Variants in PDGFC observed in about 807,000 individuals in gnomAD.
PDGFC encodes the protein platelet derived growth factor C.
PDGFC carries 12 observed loss-of-function variants against 35.5 expected under a neutral mutation model. The observed-to-expected ratio is 0.34, with a 90% CI of 0.22 to 0.55. PDGFC has a LOEUF of 0.55. Ranked by LOEUF, PDGFC falls within the 20% of genes least tolerant of loss-of-function variation. The probability of loss-of-function intolerance (pLI) is 0.91; values close to 1 mark genes in which losing one functional copy is unlikely to be tolerated. For synonymous variants in PDGFC, 159 were observed against 148.8 expected, an observed-to-expected ratio of 1.07 and a Z score of -0.50; for missense variants, 322 against 412.4, an observed-to-expected ratio of 0.78 and a Z score of 1.90.
intron 2 of PDGFC, among the ~76,000 whole-genome samples, chr4:156,823,934 A>G (rs959385323): frequency 2.0e-5 from 3 of 152,160 alleles, no homozygotes; most frequent in Non-Finnish European, 4.4e-5. Flanking sequence ...TCATGACAAC[A>G]TGAACGGAAC....
At chr4:156,860,693 G>C (rs1579061226) in intron 1 of PDGFC, among the ~76,000 whole-genome samples, 1 of 152,100 alleles carries the variant, frequency 6.6e-6, no homozygotes, top group Middle Eastern at 3.4e-3. Context: ...GCTTTTTAAA[G>C]AAAGATATGC....
In PDGFC at chr4:156,970,963, G is replaced by A; in HGVS notation, c.-60C>T. 2.8e-6 allele frequency: 3 copies of A among 1,087,906 alleles called. No homozygotes were observed. Among genetic ancestry groups the A allele is most frequent in the Non-Finnish European group, 4.2e-6 (3 of 711,330 alleles). 67.4% of individuals were successfully genotyped at this position (1,087,906 alleles called of 1,614,324 possible). On this transcript the variant is annotated 5_prime_UTR_variant, in exon 1 of 6. Coordinates refer to ENST00000502773, the MANE Select transcript of PDGFC (RefSeq NM_016205.3). Reference sequence around the variant, plus strand: ...GCACTTTGGAAGCAGCGACTCCCGAGTCTCTTTCACCACCGCCAGGGGAAG... The same window carrying A: ...GCACTTTGGAAGCAGCGACTCCCGAATCTCTTTCACCACCGCCAGGGGAAG...
chr4:156,913,046 T>C lies in PDGFC; in HGVS notation c.118+57740A>G, dbSNP rs549017490. The stretch of plus-strand genomic sequence containing the variant: ...CTAACAGGAAAACCCAGATGTAATG[T>C]TTAGATTCAAAATGTTTGGCTCTTA... On this transcript the variant is annotated intron_variant, in intron 1 of 5. Coordinates refer to ENST00000502773, the MANE Select transcript of PDGFC (RefSeq NM_016205.3). Among the ~76,000 whole-genome samples, 18 of 152,276 alleles carry C rather than the reference T, an allele frequency of 1.2e-4. No homozygotes were observed. The South Asian group carries it at 3.5e-3, about 30-fold the overall frequency.
chr4:156,818,778 A>G (rs950108934), intron 2 of PDGFC, among the ~76,000 whole-genome samples: 1 of 152,120 alleles, frequency 6.6e-6, no homozygotes, highest in African/African-American at 2.4e-5. Context: ...CTGGGATTAC[A>G]GGCTTGAGCC....
intron 1 of PDGFC, among the ~76,000 whole-genome samples, chr4:156,933,457 C>G (rs781072856): frequency 1.3e-5 from 2 of 152,232 alleles, no homozygotes; most frequent in African/African-American, 2.4e-5. Flanking sequence ...AAGATATGCT[C>G]TGCCTTCTTG....
Position 156,909,429 on chromosome 4 carries a change from G to A in PDGFC, c.119-59013C>T, listed in dbSNP as rs112866226. On this transcript the variant is annotated intron_variant, in intron 1 of 5. Coordinates refer to ENST00000502773, the MANE Select transcript of PDGFC (RefSeq NM_016205.3). ...TATGGCCAGAAAATAAACTTCAGAG[G>A]AGAAAGTAACCAAACAAGTGAGCCA... 8.0e-3 allele frequency among the ~76,000 whole-genome samples: 1,216 copies of A among 152,278 alleles called. 15 individuals carry two copies. Among genetic ancestry groups the A allele is most frequent in the African/African-American group, 0.028 (1,143 of 41,552 alleles).
chr4:156,874,275 A>C (rs553356200), intron 1 of PDGFC, among the ~76,000 whole-genome samples: 1 of 152,302 alleles, frequency 6.6e-6, no homozygotes, highest in African/African-American at 2.4e-5. Context: ...GGAAAAAATT[A>C]ATAGACACCA....
rs544762501 is a variant in PDGFC at position 156,835,782 on chromosome 4, C to T, written c.314+14439G>A. On this transcript the variant is annotated intron_variant, in intron 2 of 5. Coordinates refer to ENST00000502773, the MANE Select transcript of PDGFC (RefSeq NM_016205.3). ...TTTTTACCAGTCAGTTTAACTCCCT[C>T]ATGTAAATATGCTGCCAATTTGTCC... The T allele has an allele frequency of 5.3e-5, 8 of 152,318 alleles. No homozygotes were observed. In the South Asian group the frequency reaches 1.7e-3, roughly 32 times the overall value. 9.4% of individuals were successfully genotyped at this position (152,318 alleles called of 1,614,324 possible). A position where few individuals can be genotyped will look rare whatever the true frequency, so the allele number is the denominator to read the frequency against.
chr4:156,925,214 A>T (rs533830557), intron 1 of PDGFC, among the ~76,000 whole-genome samples: 89 of 152,292 alleles, frequency 5.8e-4, no homozygotes, highest in African/African-American at 2.0e-3. Context: ...CTTGTCAGTA[A>T]AGCAGGTAAA....
intron 3 of PDGFC, among the ~76,000 whole-genome samples, chr4:156,802,122 A>G (rs1249804138): frequency 6.6e-6 from 1 of 152,068 alleles, no homozygotes; most frequent in Non-Finnish European, 1.5e-5. Flanking sequence ...CCTCAAATTC[A>G]TCGTTGGAGA....
At chr4:156,824,276 C>A (rs1732357287) in intron 2 of PDGFC, among the ~76,000 whole-genome samples, 4 of 111,506 alleles carry the variant, frequency 3.6e-5, no homozygotes, top group Admixed American at 1.1e-4. Context: ...CCGTCTAGAA[C>A]AATGTAAGCA....
intron 3 of PDGFC, among the ~76,000 whole-genome samples, chr4:156,781,491 AC>A (rs985776202): frequency 1.7e-4 from 26 of 152,298 alleles, no homozygotes; most frequent in African/African-American, 6.0e-4. Context: ...TTTATTTTAA[AC>A]ATTCTATAGA....
intron 1 of PDGFC, among the ~76,000 whole-genome samples, chr4:156,866,117 C>T (rs1205926277): frequency 1.3e-5 from 2 of 152,106 alleles, no homozygotes; most frequent in African/African-American, 2.4e-5. Context: ...TGCCCCCACC[C>T]GAGGACAGTC....
chr4:156,811,277 C>G (rs1487635928), intron 2 of PDGFC, among the ~76,000 whole-genome samples: 2 of 152,040 alleles, frequency 1.3e-5, no homozygotes, highest in Non-Finnish European at 2.9e-5. Context: ...CATCCTAAAA[C>G]TTAAACATTT....
chr4:156,811,069 C>T (rs775153582), intron 2 of PDGFC, 52 bp from the exon 3 acceptor site: 2 of 1,255,438 alleles, frequency 1.6e-6, no homozygotes, highest in South Asian at 3.1e-5. Flanking sequence ...GTTATTCTGG[C>T]AATTACAAGT....
At chr4:156,838,212 A>G (rs1411540558) in intron 2 of PDGFC, among the ~76,000 whole-genome samples, 1 of 152,172 alleles carries the variant, frequency 6.6e-6, no homozygotes, top group African/African-American at 2.4e-5. Flanking sequence ...AGAGATGGTT[A>G]TTTTTGTACC....
At chr4:156,940,467 G>C (rs1219631550) in intron 1 of PDGFC, among the ~76,000 whole-genome samples, 3 of 152,024 alleles carry the variant, frequency 2.0e-5, no homozygotes, top group African/African-American at 7.2e-5. Flanking sequence ...TCAAAAACAA[G>C]TCCCTGACAT....
At chr4:156,823,860 G>GTTCC (rs1383346811) in intron 2 of PDGFC, among the ~76,000 whole-genome samples, 3 of 152,224 alleles carry the variant, frequency 2.0e-5, no homozygotes, top group African/African-American at 7.2e-5. Flanking sequence ...AATGGATAAG[G>GTTCC]AAAGTGTAGT....
chr4:156,927,597 A>G (rs1163991530), intron 1 of PDGFC, among the ~76,000 whole-genome samples: 1 of 152,150 alleles, frequency 6.6e-6, no homozygotes, highest in Non-Finnish European at 1.5e-5. Flanking sequence ...CTGCCAAAAC[A>G]TAACAAGAGT....
Sources: gnomAD v4.1 joint callset for allele counts (sites outside exome capture counted in the v4.1 genomes callset) on GRCh38, gnomAD v4.1.1 for gene constraint, MANE v1.5 for transcripts, NCBI Gene and HGNC (gene_info 2026-07-23, HGNC 2026-07-21) for gene names.